HYDIN: variants seen among roughly 807,000 people sequenced by gnomAD.
HYDIN encodes HYDIN axonemal central pair apparatus protein.
HYDIN carries 132 observed loss-of-function variants against 403.9 expected under a neutral mutation model. The observed-to-expected ratio is 0.33, with a 90% confidence interval of 0.28 to 0.38. The LOEUF (loss-of-function observed/expected upper bound fraction) is 0.38, where lower values mean the gene tolerates loss of function less well. Ranked by LOEUF, HYDIN falls within the 10% of genes least tolerant of loss-of-function variation. HYDIN has a pLI of 1.00. For synonymous variants in HYDIN, 1,202 were observed against 1,891.7 expected (o/e 0.64, Z 9.46); for missense variants, 2,827 against 5,009.5 (o/e 0.56, Z 13.15).
At chr16:70,836,653 C>A (rs1246916103) in intron 77 of HYDIN, among the ~76,000 whole-genome samples, 1 of 152,222 alleles carries the variant, frequency 6.6e-6, no homozygotes, top group Non-Finnish European at 1.5e-5. Flanking sequence ...ATGAGCAGCA[C>A]CCACTGGTCA....
intron 4 of HYDIN, among the ~76,000 whole-genome samples, chr16:71,178,434 A>AAT (rs1555501893): frequency 0.062 from 5,830 of 94,216 alleles, 579 homozygotes; most frequent in African/African-American, 0.24. Context: ...AAAAAAAAAA[A>AAT]ATATATATAT....
intron 37 of HYDIN, among the ~76,000 whole-genome samples, chr16:70,964,448 C>T (rs783733): frequency 0.019 from 2,894 of 148,908 alleles, no homozygotes; most frequent in African/African-American, 0.066. Flanking sequence ...AAGCCCTCAA[C>T]GTGGCATCCA....
intron 5 of HYDIN, among the ~76,000 whole-genome samples, chr16:71,171,146 C>G (rs966668793): frequency 6.6e-6 from 1 of 152,188 alleles, no homozygotes; most frequent in Non-Finnish European, 1.5e-5. Context: ...CGTACTTTCC[C>G]GAGCTGGCTG....
intron 6 of HYDIN, among the ~76,000 whole-genome samples, chr16:71,158,399 TAGAA>T (rs1026883165): frequency 1.3e-5 from 2 of 152,120 alleles, no homozygotes; most frequent in Non-Finnish European, 2.9e-5. Flanking sequence ...GGTAGATAGA[TAGAA>T]AGATTTTATA....
chr16:70,876,791 A>C (rs1427190181), intron 62 of HYDIN, among the ~76,000 whole-genome samples: 1 of 152,012 alleles, frequency 6.6e-6, no homozygotes, highest in Non-Finnish European at 1.5e-5. Context: ...CATGAACAGA[A>C]GATAACCAGG....
intron 10 of HYDIN, among the ~76,000 whole-genome samples, chr16:71,094,675 A>G (rs2083221120): frequency 6.6e-6 from 1 of 152,306 alleles, no homozygotes; most frequent in South Asian, 2.1e-4. Context: ...CACAATGCTT[A>G]CGCACAAAGG....
chr16:70,901,734 C>T (rs763713091), intron 52 of HYDIN, among the ~76,000 whole-genome samples: 178 of 151,766 alleles, frequency 1.2e-3, no homozygotes, highest in Non-Finnish European at 2.2e-3. Flanking sequence ...TATAGGCACC[C>T]GCCACCATGC....
In HYDIN at chr16:71,118,162, T is replaced by C. The variant is rs117166033; in HGVS notation, c.1228-2367A>G. Among the ~76,000 whole-genome samples, 853 of 152,278 alleles carry C rather than the reference T, an allele frequency of 5.6e-3. 21 individuals are homozygous for C. Among genetic ancestry groups the C allele is most frequent in the East Asian group, 0.048 (246 of 5,172 alleles). ...TTTATCATCCCACTAAGGTTTGAGT[T>C]CTCTGCAGTCACGGCCCACACCTTT... On this transcript the variant is annotated intron_variant, in intron 9 of 85. Transcript: ENST00000393567.
intron 38 of HYDIN, 36 bp from the exon 39 acceptor site, chr16:70,959,856 C>T (rs759564902): frequency 3.4e-6 from 2 of 583,238 alleles, no homozygotes; most frequent in Non-Finnish European, 3.0e-6. Context: ...GCACACATGG[C>T]ATGCATGCTA....
At chr16:70,851,203 C>CAAAAAAAAAA (rs4028101) in intron 73 of HYDIN, among the ~76,000 whole-genome samples, 4 of 22,146 alleles carry the variant, frequency 1.8e-4, no homozygotes, top group African/African-American at 2.8e-4. Flanking sequence ...ATCAATCCTG[C>CAAAAAAAAAA]AAAAAAAAAA....
At chr16:70,831,363 A>G (rs2143505416) in intron 80 of HYDIN, among the ~76,000 whole-genome samples, 1 of 150,540 alleles carries the variant, frequency 6.6e-6, no homozygotes, top group East Asian at 2.0e-4. Context: ...TATAAAAATT[A>G]GCTAGGCATG....
At chr16:71,026,940 C>T (rs1426367472) in intron 20 of HYDIN, among the ~76,000 whole-genome samples, 2 of 152,000 alleles carry the variant, frequency 1.3e-5, no homozygotes, top group African/African-American at 4.8e-5. Context: ...TGCATTTTGT[C>T]GGGAGGGAGA....
At chr16:71,149,843 C>G (rs1289165338) in intron 7 of HYDIN, among the ~76,000 whole-genome samples, 6 of 151,398 alleles carry the variant, frequency 4.0e-5, no homozygotes, top group Admixed American at 6.6e-5. Flanking sequence ...AATATTTTTA[C>G]AAATACTTTT....
chr16:71,168,145 C>T (rs554321886), intron 5 of HYDIN, among the ~76,000 whole-genome samples: 1 of 150,688 alleles, frequency 6.6e-6, no homozygotes, highest in Non-Finnish European at 1.5e-5. Flanking sequence ...TAGTGAAACC[C>T]CATCTCTACT....
chr16:71,163,126 T>TTG (rs1391021767), intron 5 of HYDIN, among the ~76,000 whole-genome samples: 1 of 104,938 alleles, frequency 9.5e-6, no homozygotes, highest in Non-Finnish European at 2.5e-5. Flanking sequence ...TTTCTTTTTT[T>TTG]TTTTTTTTTT....
chr16:70,807,949 G>A lies in HYDIN; in HGVS notation c.14997C>T (p.Thr4999=). ...GCGATGATAGGATCAGGATGCCCTT[G>A]GTCTCACCCAGGTGGCTGGGCTCGA... is the stretch of plus-strand genomic sequence containing the variant. ...VLFEPSHLGE[T]KGILILSSLA... Residue 4999 remains threonine (T), a synonymous_variant, in exon 86 of 86, where the codon ACC becomes ACT. Coordinates refer to ENST00000393567, the MANE Select transcript of HYDIN (RefSeq NM_001270974.2). The A allele has an allele frequency of 6.2e-7, 1 of 1,614,158 alleles. No individual in the cohort carries two copies. The highest frequency in any genetic ancestry group is 8.5e-7 in the Non-Finnish European group (1 of 1,180,026).
rs762652611 is a variant in HYDIN, at chr16:70,807,849, G to A, written c.15097C>T (p.Arg5033Ter). The A allele has an allele frequency of 3.7e-6, 6 of 1,614,014 alleles. No homozygotes were observed. Among genetic ancestry groups the A allele is most frequent in the Admixed American group, 1.7e-5 (1 of 59,982 alleles). The change falls in exon 86 of 86, where the codon CGA becomes TGA. Residue 5033 changes from arginine (R) to a stop codon, truncating the protein, a stop_gained. Coordinates refer to ENST00000393567, the MANE Select transcript of HYDIN (RefSeq NM_001270974.2). LOFTEE classifies it high-confidence loss of function. ...PPKPQGPFSI[R>*]AGYSIIIPFK... is the part of the protein sequence containing the mutation. Reference sequence around the variant, plus strand: ...GGGATGATTATGCTGTACCCGGCTCGGATCGAGAAGGGACCTTGGGGCTTG... The same window carrying A: ...GGGATGATTATGCTGTACCCGGCTCAGATCGAGAAGGGACCTTGGGGCTTG...
At chr16:71,102,895 G>A (rs1320784656) in intron 10 of HYDIN, among the ~76,000 whole-genome samples, 1 of 148,628 alleles carries the variant, frequency 6.7e-6, no homozygotes, top group Non-Finnish European at 1.5e-5. Context: ...GAAAGAAAAT[G>A]TAATTCATGT....
At chr16:71,152,991 G>A in intron 6 of HYDIN, 1 of 467,216 alleles carries the variant, frequency 2.1e-6, no homozygotes, top group Non-Finnish European at 3.9e-6. Context: ...GCAAGCGTAA[G>A]GGCAACTTAA....
Sources: allele counts gnomAD v4.1 joint callset (sites outside exome capture counted in the v4.1 genomes callset), GRCh38; gene constraint gnomAD v4.1.1; transcripts MANE v1.5; gene names NCBI Gene and HGNC (gene_info 2026-07-23, HGNC 2026-07-21).